AHCYL2: variants seen among roughly 807,000 people sequenced by gnomAD.
AHCYL2 encodes adenosylhomocysteinase like 2, also known as S-adenosylhomocysteine hydrolase-like protein 2.
In AHCYL2, 28 loss-of-function variants were observed where a neutral mutation model predicts 81.4. That is an observed-to-expected ratio of 0.34 (90% CI 0.25 to 0.47). The LOEUF is 0.47. AHCYL2 is among the 20% of genes least tolerant of loss of function. The pLI, the probability that AHCYL2 is intolerant of heterozygous loss-of-function variation, is 1.00. For missense variants in AHCYL2, 551 were observed against 785.1 expected, an observed-to-expected ratio of 0.70 and a Z score of 3.56; for synonymous variants, 272 against 290.2, an observed-to-expected ratio of 0.94 and a Z score of 0.64.
At chr7:129,336,044 CTCT>C (rs35922521) in intron 1 of AHCYL2, among the ~76,000 whole-genome samples, 10,058 of 142,580 alleles carry the variant, frequency 0.071, 703 homozygotes, top group African/African-American at 0.18. Flanking sequence ...CTTTTCTCTT[CTCT>C]TCTTTTCTCT....
intron 1 of AHCYL2, among the ~76,000 whole-genome samples, chr7:129,260,199 C>T (rs1200916961): frequency 6.6e-6 from 1 of 152,058 alleles, no homozygotes; most frequent in Admixed American, 6.6e-5. Context: ...TTCCTTCCTC[C>T]TACTTCATCC....
At chr7:129,245,967 A>G (rs1426448463) in intron 1 of AHCYL2, among the ~76,000 whole-genome samples, 1 of 152,136 alleles carries the variant, frequency 6.6e-6, no homozygotes, top group Non-Finnish European at 1.5e-5. Context: ...CATTTCTATC[A>G]TCAGTGTACA....
At chr7:129,398,336 T>TA (rs199699282) in intron 5 of AHCYL2, among the ~76,000 whole-genome samples, 1,895 of 149,844 alleles carry the variant, frequency 0.013, 40 homozygotes, top group African/African-American at 0.045. Context: ...TTTTTTTTTT[T>TA]AAATTTAATT....
chr7:129,318,906 A>G (rs1484165661), intron 1 of AHCYL2, among the ~76,000 whole-genome samples: 1 of 151,988 alleles, frequency 6.6e-6, no homozygotes, highest in Non-Finnish European at 1.5e-5. Context: ...CCAGACAGTA[A>G]ATTCGACTAT....
At chr7:129,278,335 C>CA (rs1177876686) in intron 1 of AHCYL2, among the ~76,000 whole-genome samples, 12 of 152,054 alleles carry the variant, frequency 7.9e-5, no homozygotes, top group Non-Finnish European at 1.6e-4. Flanking sequence ...ATCAGTCTCC[C>CA]AGTGTGTTGG....
At chr7:129,413,494 A>G in intron 11 of AHCYL2, 100 bp from the exon 12 acceptor site, 1 of 979,540 alleles carries the variant, frequency 1.0e-6, no homozygotes. Context: ...AGAATTCCTT[A>G]TAACAAGTCC....
Position 129,425,138 on chromosome 7 carries a change from A to T in AHCYL2, c.1705A>T (p.Met569Leu). The change falls in exon 15 of 17, where the codon ATG becomes TTG. Residue 569 changes from methionine to leucine, a missense_variant. Coordinates refer to ENST00000325006, the MANE Select transcript of AHCYL2 (RefSeq NM_015328.4). Reference sequence around the variant, plus strand: ...GGATGTCTACCTGTTGCCCAAGAAGATGGGTAAGTATTTACTCTTCCATCT... The same window carrying T: ...GGATGTCTACCTGTTGCCCAAGAAGTTGGGTAAGTATTTACTCTTCCATCT... ...KQDVYLLPKKMDEYVASLHLP... is the reference protein window; with the variant it reads ...KQDVYLLPKKLDEYVASLHLP... The T allele has an allele frequency of 6.2e-7, 1 of 1,612,332 alleles. No homozygotes were observed. Among genetic ancestry groups the T allele is most frequent in the Non-Finnish European group, 8.5e-7 (1 of 1,179,478 alleles).
chr7:129,370,525 G>T lies in AHCYL2; in HGVS notation c.364-9113G>T, dbSNP rs10271956. ...CATCCTGGCTAACACAGTGAAACCC[G>T]GTCTCTACTAAAAATACAAAAAATT... is the stretch of plus-strand genomic sequence containing the variant. On this transcript the variant is annotated intron_variant, in intron 1 of 16. Coordinates refer to ENST00000325006, the MANE Select transcript of AHCYL2 (RefSeq NM_015328.4). 5.5e-3 allele frequency among the ~76,000 whole-genome samples: 843 copies of T among 151,978 alleles called. 8 individuals are homozygous for T. The highest frequency in any genetic ancestry group is 0.022 in the East Asian group (111 of 5,160).
intron 1 of AHCYL2, among the ~76,000 whole-genome samples, chr7:129,311,219 TCCTTGAAAAGAAA>T (rs1225565849): frequency 6.6e-6 from 1 of 151,968 alleles, no homozygotes; most frequent in Non-Finnish European, 1.5e-5. Context: ...TGGACTGAAG[TCCTTGAAAAGAAA>T]GAAAGGAACA....
intron 1 of AHCYL2, among the ~76,000 whole-genome samples, chr7:129,323,796 G>C (rs1798119450): frequency 1.3e-5 from 2 of 151,536 alleles, no homozygotes; most frequent in African/African-American, 4.8e-5. Flanking sequence ...TTATGATTAT[G>C]AAATGATATC....
intron 1 of AHCYL2, among the ~76,000 whole-genome samples, chr7:129,340,600 C>T (rs1186367268): frequency 6.6e-6 from 1 of 151,242 alleles, no homozygotes; most frequent in African/African-American, 2.4e-5. Context: ...TCCCCTTTGT[C>T]GTTTTATCTA....
chr7:129,270,904 C>G (rs781577792), intron 1 of AHCYL2, among the ~76,000 whole-genome samples: 10 of 152,248 alleles, frequency 6.6e-5, no homozygotes, highest in Non-Finnish European at 1.0e-4. Flanking sequence ...GAATGTTCCT[C>G]TTTTTCTGCA....
intron 11 of AHCYL2, 151 bp downstream of exon 11, chr7:129,409,697 A>C (rs1796474190): frequency 1.5e-6 from 1 of 658,424 alleles, no homozygotes; most frequent in Admixed American, 3.1e-5. Context: ...CATTCTTCCT[A>C]ATTCTTTAGA....
intron 1 of AHCYL2, among the ~76,000 whole-genome samples, chr7:129,290,282 T>C (rs1487614699): frequency 6.6e-6 from 1 of 151,640 alleles, no homozygotes; most frequent in East Asian, 2.0e-4. Flanking sequence ...GGCGGGCGGA[T>C]CACGAGGTCA....
At chr7:129,350,326 T>G (rs369890684) in intron 1 of AHCYL2, among the ~76,000 whole-genome samples, 144 of 152,108 alleles carry the variant, frequency 9.5e-4, no homozygotes, top group Non-Finnish European at 1.7e-3. Context: ...TTAAATGAGA[T>G]AATACATGCC....
At position 129,357,694 on chromosome 7, in the gene AHCYL2, G is replaced by A. The variant is rs1300322480; in HGVS notation, c.364-21944G>A. ...TCACGCCTGTAATCCCAACACTTTG[G>A]GACGCCGAGGTGGGTGGATCACGAG... On this transcript the variant is annotated intron_variant, in intron 1 of 16. Transcript: ENST00000325006. Among the ~76,000 whole-genome samples the A allele has an allele frequency of 2.0e-5, 3 of 152,190 alleles. No homozygotes were observed. In the East Asian group the frequency reaches 5.8e-4, roughly 29 times the overall value.
chr7:129,280,879 T>G (rs991958051), intron 1 of AHCYL2, among the ~76,000 whole-genome samples: 36 of 151,804 alleles, frequency 2.4e-4, no homozygotes, highest in African/African-American at 7.0e-4. Context: ...TTTTTTTTTT[T>G]TTTGAGACAG....
At chr7:129,404,190 T>A (rs946423149) in intron 7 of AHCYL2, among the ~76,000 whole-genome samples, 4 of 152,184 alleles carry the variant, frequency 2.6e-5, no homozygotes, top group African/African-American at 9.6e-5. Context: ...AATCTAGCAG[T>A]AGACAAAACA....
At chr7:129,359,902 T>A (rs1371844359) in intron 1 of AHCYL2, among the ~76,000 whole-genome samples, 1 of 152,188 alleles carries the variant, frequency 6.6e-6, no homozygotes, top group East Asian at 1.9e-4. Context: ...CTTAATTGTT[T>A]ATTTGAGAAA....
Sources: allele counts gnomAD v4.1 joint callset (sites outside exome capture counted in the v4.1 genomes callset), GRCh38; gene constraint gnomAD v4.1.1; transcripts MANE v1.5; gene names NCBI Gene and HGNC (gene_info 2026-07-23, HGNC 2026-07-21).